SGCD: variants seen among roughly 807,000 people sequenced by gnomAD.
The protein encoded by SGCD is delta-sarcoglycan.
In SGCD, 18 loss-of-function variants were observed where a neutral mutation model predicts 36.6. The ratio of observed to expected loss-of-function variants is 0.49; its 90% CI spans 0.34 to 0.73. SGCD has a LOEUF of 0.73. SGCD is among the 30% of genes least tolerant of loss of function. The probability of loss-of-function intolerance (pLI) is 0.01; values close to 1 mark genes in which losing one functional copy is unlikely to be tolerated. For missense variants in SGCD, 387 were observed against 346.7 expected (o/e 1.12, Z -0.92); for synonymous variants, 133 against 130.6 (o/e 1.02, Z -0.12).
chr5:155,942,005 T>A (rs892061947), intron 1 of SGCD, among the ~76,000 whole-genome samples: 4 of 151,824 alleles, frequency 2.6e-5, no homozygotes, highest in African/African-American at 9.7e-5. Context: ...TAATGGAGAG[T>A]TAGGGGAGGA....
intron 3 of SGCD, among the ~76,000 whole-genome samples, chr5:156,504,420 ATATATG>A (rs1756608702): frequency 7.5e-6 from 1 of 133,470 alleles, no homozygotes; most frequent in African/African-American, 3.0e-5. Flanking sequence ...ATATATATAT[ATATATG>A]TCAATGTGTA....
intron 3 of SGCD, among the ~76,000 whole-genome samples, chr5:156,430,410 A>AT (rs938374522): frequency 2.6e-5 from 4 of 151,280 alleles, no homozygotes; most frequent in Non-Finnish European, 2.9e-5. Flanking sequence ...CATATCCTGG[A>AT]TTTTTTTAAG....
chr5:156,436,388 G>C (rs1270147285), intron 3 of SGCD, among the ~76,000 whole-genome samples: 2 of 152,190 alleles, frequency 1.3e-5, no homozygotes, highest in Non-Finnish European at 2.9e-5. Context: ...AAACAAATGG[G>C]TTCTTATCAT....
At chr5:156,302,375 A>G (rs1239404864) in intron 3 of SGCD, among the ~76,000 whole-genome samples, 1 of 151,670 alleles carries the variant, frequency 6.6e-6, no homozygotes, top group Non-Finnish European at 1.5e-5. Flanking sequence ...AATTATTTTA[A>G]TCTCTCTCTT....
intron 2 of SGCD, among the ~76,000 whole-genome samples, chr5:156,338,376 C>T (rs1028874637): frequency 3.9e-5 from 6 of 152,156 alleles, no homozygotes; most frequent in Non-Finnish European, 7.3e-5. Flanking sequence ...CCTCACAAAG[C>T]GGACCAGCTG....
chr5:155,741,604 G>A, the SGCD span, among the ~76,000 whole-genome samples: 1 of 151,856 alleles, frequency 6.6e-6, no homozygotes, highest in Non-Finnish European at 1.5e-5. Context: ...AAAGGGAGAA[G>A]GTTATCATGA....
At chr5:156,413,031 T>C (rs904001206) in intron 3 of SGCD, among the ~76,000 whole-genome samples, 1 of 151,594 alleles carries the variant, frequency 6.6e-6, no homozygotes, top group African/African-American at 2.4e-5. Context: ...TCTCCTGACC[T>C]CATGATCCAC....
intron 4 of SGCD, among the ~76,000 whole-genome samples, chr5:156,548,644 A>G (rs1407796652): frequency 6.6e-6 from 1 of 152,066 alleles, no homozygotes; most frequent in African/African-American, 2.4e-5. Flanking sequence ...TGTCAAATTC[A>G]GAAGATAGGA....
intron 3 of SGCD, among the ~76,000 whole-genome samples, chr5:156,214,832 A>G (rs560180896): frequency 1.7e-4 from 26 of 152,242 alleles, no homozygotes; most frequent in African/African-American, 6.3e-4. Flanking sequence ...GGGTGCCAAG[A>G]ACACACAATG....
chr5:155,747,536 A>G, the SGCD span, among the ~76,000 whole-genome samples: 40 of 152,320 alleles, frequency 2.6e-4, no homozygotes, highest in Non-Finnish European at 3.5e-4. Flanking sequence ...ATTCTCACTT[A>G]TGAAGTCAGT....
intron 3 of SGCD, among the ~76,000 whole-genome samples, chr5:156,423,819 C>A (rs756897705): frequency 2.6e-5 from 4 of 151,930 alleles, no homozygotes; most frequent in Non-Finnish European, 5.9e-5. Context: ...CTGTTCTGTG[C>A]CCTAGCTTTG....
At chr5:156,524,095 T>C (rs1222680420) in intron 4 of SGCD, among the ~76,000 whole-genome samples, 15 of 286 alleles carry the variant, frequency 0.052, no homozygotes, top group Middle Eastern at 0.5. Context: ...GAGGTCTTAC[T>C]ATATATATAT....
chr5:156,493,162 C>T (rs988327164), intron 3 of SGCD, among the ~76,000 whole-genome samples: 6 of 151,994 alleles, frequency 3.9e-5, no homozygotes, highest in African/African-American at 1.2e-4. Context: ...ATGGTTGAAA[C>T]GACATGATGT....
intron 3 of SGCD, among the ~76,000 whole-genome samples, chr5:156,211,941 T>C (rs1380547637): frequency 6.6e-6 from 1 of 152,146 alleles, no homozygotes; most frequent in Non-Finnish European, 1.5e-5. Context: ...CAGCTTAAAA[T>C]AGCCTGTTAT....
intron 3 of SGCD, among the ~76,000 whole-genome samples, chr5:156,295,987 G>A (rs1293789294): frequency 1.3e-5 from 2 of 152,300 alleles, no homozygotes; most frequent in African/African-American, 4.8e-5. Flanking sequence ...AGACATGAAT[G>A]TTAAATCAGA....
intron 3 of SGCD, among the ~76,000 whole-genome samples, chr5:156,201,496 A>T (rs768184898): frequency 6.6e-6 from 1 of 152,164 alleles, no homozygotes; most frequent in Non-Finnish European, 1.5e-5. Flanking sequence ...TTGACATTAA[A>T]GTGTAACCAT....
At chr5:155,793,796 G>C in the SGCD span, among the ~76,000 whole-genome samples, 2 of 151,952 alleles carry the variant, frequency 1.3e-5, no homozygotes, top group Non-Finnish European at 2.9e-5. Flanking sequence ...CAATCCGCCT[G>C]TCTCAGCCTC....
intron 2 of SGCD, among the ~76,000 whole-genome samples, chr5:156,334,248 A>G (rs1768213563): frequency 6.6e-6 from 1 of 152,214 alleles, no homozygotes; most frequent in Non-Finnish European, 1.5e-5. Context: ...TGTACAACAC[A>G]AAGTAGCTGG....
intron 1 of SGCD, among the ~76,000 whole-genome samples, chr5:155,969,105 A>G (rs564575139): frequency 2.0e-5 from 3 of 152,214 alleles, no homozygotes; most frequent in South Asian, 4.1e-4. Flanking sequence ...TTACAAAAAA[A>G]GGTATTGCTG....
Sources: gnomAD v4.1 joint callset for allele counts (sites outside exome capture counted in the v4.1 genomes callset) on GRCh38, gnomAD v4.1.1 for gene constraint, MANE v1.5 for transcripts, NCBI Gene and HGNC (gene_info 2026-07-23, HGNC 2026-07-21) for gene names.